Variants in PRDM16 observed in about 807,000 individuals in gnomAD.
PRDM16 encodes PR/SET domain 16, also known as histone-lysine N-methyltransferase PRDM16.
In PRDM16, 23 loss-of-function variants were observed where a neutral mutation model predicts 110.6. The observed-to-expected ratio is 0.21, with a 90% CI of 0.15 to 0.29. The LOEUF (loss-of-function observed/expected upper bound fraction) is 0.29, where lower values mean the gene tolerates loss of function less well. PRDM16 is among the 10% of genes least tolerant of loss of function. PRDM16 has a pLI of 1.00. For missense variants in PRDM16, 1,615 were observed against 1,794.3 expected (o/e 0.90, Z 1.81); for synonymous variants, 799 against 781.8 (o/e 1.02, Z -0.37).
chr1:3,267,559 T>G (rs1032039231), intron 3 of PRDM16, among the ~76,000 whole-genome samples: 8 of 152,216 alleles, frequency 5.3e-5, no homozygotes, highest in African/African-American at 1.7e-4. Flanking sequence ...TCTCACTTTT[T>G]GGGGAACCTC....
chr1:3,287,685 C>T (rs1315483606), intron 3 of PRDM16, among the ~76,000 whole-genome samples: 1 of 110,312 alleles, frequency 9.1e-6, no homozygotes, highest in African/African-American at 5.5e-5. Flanking sequence ...TTGCATTTAC[C>T]GGGGCTGGAA....
At chr1:3,391,597 C>T (rs1442723360) in intron 4 of PRDM16, among the ~76,000 whole-genome samples, 3 of 152,140 alleles carry the variant, frequency 2.0e-5, no homozygotes, top group Admixed American at 6.5e-5. Flanking sequence ...ATGTCTGGGT[C>T]GCTGGGATGG....
chr1:3,394,450 T>C (rs1197156162), intron 4 of PRDM16: 1 of 429,682 alleles, frequency 2.3e-6, no homozygotes, highest in Admixed American at 2.5e-5. Flanking sequence ...ATGCCCGAGG[T>C]CTCACGTCAG....
intron 3 of PRDM16, among the ~76,000 whole-genome samples, chr1:3,282,546 C>T (rs1640731610): frequency 6.6e-6 from 1 of 152,216 alleles, no homozygotes; most frequent in South Asian, 2.1e-4. Flanking sequence ...GCACACCTCT[C>T]ACCACGATTC....
In PRDM16 at chr1:3,081,503, C is replaced by T. The variant is rs1642028437; in HGVS notation, c.37+12207C>T. ...AGCAGGGCTGAGGTGGGGAGAACGC[C>T]GACTTGCATTTTCTGACAGTCCCCA... On this transcript the variant is annotated intron_variant, in intron 1 of 16. Coordinates refer to ENST00000270722, the MANE Select transcript of PRDM16 (RefSeq NM_022114.4). This position sits in a 1 kb window ranked among gnomAD's most constrained non-coding sequence, Gnocchi z 4.6. 6.6e-6 allele frequency among the ~76,000 whole-genome samples: 1 copy of T among 152,120 alleles called. No individual in the cohort carries two copies. The highest frequency in any genetic ancestry group is 6.5e-5 in the Admixed American group (1 of 15,278).
intron 1 of PRDM16, among the ~76,000 whole-genome samples, chr1:3,091,201 G>C (rs1316119221): frequency 2.0e-5 from 3 of 152,186 alleles, no homozygotes; most frequent in Non-Finnish European, 4.4e-5. Flanking sequence ...AAACCACACA[G>C]AGCGCTTCCA....
chr1:3,232,091 A>G (rs142356348), intron 2 of PRDM16, among the ~76,000 whole-genome samples: 1,955 of 152,338 alleles, frequency 0.013, 16 homozygotes, highest in African/African-American at 0.028. Context: ...TGCGACCGAC[A>G]CCCAGGAGCT....
chr1:3,137,601 G>T (rs1006495726), intron 1 of PRDM16, among the ~76,000 whole-genome samples: 11 of 152,252 alleles, frequency 7.2e-5, no homozygotes, highest in African/African-American at 2.7e-4. Context: ...GCTTTGTGTG[G>T]ATGGAGGAGG....
chr1:3,084,596 C>T (rs997957072), intron 1 of PRDM16, among the ~76,000 whole-genome samples: 2 of 152,274 alleles, frequency 1.3e-5, no homozygotes, highest in African/African-American at 2.4e-5. Flanking sequence ...GAATGGAGGC[C>T]GCTGTCCCTG....
intron 1 of PRDM16, among the ~76,000 whole-genome samples, chr1:3,160,232 T>C (rs564139477): frequency 2.6e-5 from 4 of 152,172 alleles, no homozygotes; most frequent in African/African-American, 4.8e-5. Context: ...CTGGTGTCGA[T>C]TGAATGGGCT....
intron 3 of PRDM16, among the ~76,000 whole-genome samples, chr1:3,342,128 C>T (rs752555927): frequency 1.3e-5 from 2 of 152,164 alleles, no homozygotes; most frequent in Non-Finnish European, 2.9e-5. Context: ...AGAGGGGAGC[C>T]TCGTGCCGGC....
intron 1 of PRDM16, among the ~76,000 whole-genome samples, chr1:3,115,194 ACCCCGCCTCTCCTGGGT>A (rs1483520263): frequency 6.6e-6 from 1 of 151,468 alleles, no homozygotes; most frequent in Non-Finnish European, 1.5e-5. Context: ...TCACCCTGTG[ACCCCGCCTCTCCTGGGT>A]CCCCCACACA....
chr1:3,197,228 T>C (rs1638502977), intron 2 of PRDM16, among the ~76,000 whole-genome samples: 2 of 152,076 alleles, frequency 1.3e-5, no homozygotes, highest in Non-Finnish European at 2.9e-5. Flanking sequence ...TATGCGACCA[T>C]GGGCTGGGTG....
intron 9 of PRDM16, among the ~76,000 whole-genome samples, chr1:3,413,310 TG>T: frequency 6.6e-6 from 1 of 151,558 alleles, no homozygotes; most frequent in African/African-American, 2.4e-5. Flanking sequence ...GGTGTCTTTC[TG>T]GGGGCCCCGG....
intron 1 of PRDM16, among the ~76,000 whole-genome samples, chr1:3,084,565 G>A (rs1007028100): frequency 2.0e-5 from 3 of 152,162 alleles, no homozygotes; most frequent in Non-Finnish European, 4.4e-5. Flanking sequence ...CTCTGTCGCC[G>A]AAATTCGAGG....
At chr1:3,413,682 C>T (rs1313478839) in intron 9 of PRDM16, among the ~76,000 whole-genome samples, 1 of 152,164 alleles carries the variant, frequency 6.6e-6, no homozygotes, top group Non-Finnish European at 1.5e-5. Context: ...AACGGGGTGG[C>T]AGGTTTACCA....
At chr1:3,222,057 C>G (rs372449906) in intron 2 of PRDM16, among the ~76,000 whole-genome samples, 1 of 152,240 alleles carries the variant, frequency 6.6e-6, no homozygotes, top group Non-Finnish European at 1.5e-5. Context: ...CTGCAGGCCC[C>G]GTGCTGGCAG....
intron 3 of PRDM16, among the ~76,000 whole-genome samples, chr1:3,312,371 C>T (rs2100418572): frequency 6.6e-6 from 1 of 152,336 alleles, no homozygotes; most frequent in Admixed American, 6.5e-5. Flanking sequence ...ATCACTGGGA[C>T]AGGCACGGGT....
At chr1:3,231,526 T>C (rs560097488) in intron 2 of PRDM16, among the ~76,000 whole-genome samples, 6 of 150,778 alleles carry the variant, frequency 4.0e-5, no homozygotes, top group South Asian at 4.2e-4. Context: ...CGAGAGGTGT[T>C]TCTGGGACTC....
Sources: allele counts gnomAD v4.1 joint callset (sites outside exome capture counted in the v4.1 genomes callset), GRCh38; gene constraint gnomAD v4.1.1; non-coding constraint Gnocchi (gnomAD v3.1); transcripts MANE v1.5; gene names NCBI Gene and HGNC (gene_info 2026-07-23, HGNC 2026-07-21).